Variants in PCDH15 observed in about 807,000 individuals in gnomAD.
PCDH15 encodes protocadherin related 15, also known as protocadherin-15.
Under a neutral mutation model 178.5 loss-of-function variants are expected in PCDH15, and 129 were observed. The ratio of observed to expected loss-of-function variants is 0.72; its 90% confidence interval spans 0.63 to 0.84. The LOEUF (loss-of-function observed/expected upper bound fraction) is 0.84. PCDH15 is among the 40% of genes least tolerant of loss of function. The pLI, the probability that PCDH15 is intolerant of heterozygous loss-of-function variation, is 0.00. For synonymous variants in PCDH15, 800 were observed against 732.0 expected (o/e 1.09, Z -1.50); for missense variants, 2,230 against 2,099.9 (o/e 1.06, Z -1.21).
chr10:54,836,579 G>T (rs1953320772), intron 3 of PCDH15, among the ~76,000 whole-genome samples: 1 of 152,030 alleles, frequency 6.6e-6, no homozygotes, highest in Admixed American at 6.6e-5. Flanking sequence ...GTGTGCATTT[G>T]TGTGTATTTT....
intron 1 of PCDH15, among the ~76,000 whole-genome samples, chr10:55,228,246 T>C (rs1347299878): frequency 6.6e-6 from 1 of 152,108 alleles, no homozygotes; most frequent in Non-Finnish European, 1.5e-5. Flanking sequence ...ATTATGTATA[T>C]CTGCCTGTTT....
intron 14 of PCDH15, among the ~76,000 whole-genome samples, chr10:54,136,759 C>G (rs2042942483): frequency 1.3e-5 from 2 of 152,168 alleles, no homozygotes; most frequent in South Asian, 2.1e-4. Flanking sequence ...AGACAAAACA[C>G]AGAGACAAAT....
intron 8 of PCDH15, among the ~76,000 whole-genome samples, chr10:54,266,675 C>A (rs1337200705): frequency 6.6e-6 from 1 of 151,864 alleles, no homozygotes; most frequent in Non-Finnish European, 1.5e-5. Context: ...ATGAACATTT[C>A]TATGTGCACA....
intron 2 of PCDH15, among the ~76,000 whole-genome samples, chr10:55,037,819 C>T (rs2131973520): frequency 6.6e-6 from 1 of 152,242 alleles, no homozygotes; most frequent in African/African-American, 2.4e-5. Flanking sequence ...AGGTAATTAT[C>T]TGTCATCTTA....
intron 20 of PCDH15, among the ~76,000 whole-genome samples, chr10:54,008,941 A>G (rs781463150): frequency 6.6e-6 from 1 of 152,136 alleles, no homozygotes; most frequent in Non-Finnish European, 1.5e-5. Context: ...CATAACCACC[A>G]ATATTATATT....
intron 2 of PCDH15, among the ~76,000 whole-genome samples, chr10:55,550,360 T>C (rs1841980456): frequency 6.6e-6 from 1 of 152,156 alleles, no homozygotes; most frequent in South Asian, 2.1e-4. Context: ...ATAAAATCAA[T>C]CATCATTATG....
At position 54,664,173 on chromosome 10, in the gene PCDH15, A is replaced by C; in HGVS notation, c.90T>G (p.Asp30Glu). 6.2e-6 allele frequency: 10 copies of C among 1,611,194 alleles called. No individual in the cohort carries two copies. Among genetic ancestry groups the C allele is most frequent in the African/African-American group, 1.3e-5 (1 of 74,942 alleles). ...LFEICLGQYD[D>E]DCKLARGGPP... ...AGGTCAAGCTAAAAGCAACCTTACC[A>C]TCATCATACTGGCCCAAGCAGATTT... is the stretch of plus-strand genomic sequence containing the variant. The change falls in exon 2 of 38, where the codon GAT (aspartate) becomes GAG (glutamate). Residue 30 changes from aspartate (D) to glutamate (E), a missense_variant and splice_region_variant. Transcript: ENST00000644397.
At chr10:54,367,410 G>C (rs941122786) in intron 5 of PCDH15, among the ~76,000 whole-genome samples, 3 of 152,062 alleles carry the variant, frequency 2.0e-5, no homozygotes, top group Admixed American at 6.6e-5. Flanking sequence ...GAGGGAAGTG[G>C]AAACAGTCAA....
At chr10:54,553,597 T>C (rs934407224) in intron 2 of PCDH15, among the ~76,000 whole-genome samples, 6 of 152,150 alleles carry the variant, frequency 3.9e-5, no homozygotes, top group African/African-American at 1.4e-4. Flanking sequence ...ATAAGTTGAT[T>C]CCTAGAGCCA....
At chr10:53,890,368 G>C (rs934609859) in intron 26 of PCDH15, among the ~76,000 whole-genome samples, 2 of 152,196 alleles carry the variant, frequency 1.3e-5, no homozygotes, top group African/African-American at 4.8e-5. Flanking sequence ...GGAGGTTGCA[G>C]TGAGCTGAGA....
intron 2 of PCDH15, chr10:54,600,074 C>T (rs905630889): frequency 7.1e-6 from 8 of 1,132,138 alleles, no homozygotes; most frequent in East Asian, 5.2e-5. Flanking sequence ...ATCGAGGAAG[C>T]TCCCAAGGAA....
intron 8 of PCDH15, among the ~76,000 whole-genome samples, chr10:54,295,420 C>T (rs1442598292): frequency 6.6e-6 from 1 of 152,174 alleles, no homozygotes; most frequent in Non-Finnish European, 1.5e-5. Context: ...TGCTCGGATC[C>T]CCTTCCATGC....
intron 1 of PCDH15, among the ~76,000 whole-genome samples, chr10:54,713,774 T>C (rs2095449481): frequency 6.6e-6 from 1 of 152,136 alleles, no homozygotes; most frequent in South Asian, 2.1e-4. Context: ...AAAATTGCGT[T>C]TTCTAAATTT....
intron 2 of PCDH15, among the ~76,000 whole-genome samples, chr10:55,504,049 T>C (rs762293632): frequency 2.0e-5 from 3 of 151,334 alleles, no homozygotes; most frequent in Non-Finnish European, 4.4e-5. Context: ...GGACAGAGTA[T>C]TTTTAGGGCA....
At chr10:55,329,565 TTA>T (rs1259759767) in intron 2 of PCDH15, among the ~76,000 whole-genome samples, 1 of 151,564 alleles carries the variant, frequency 6.6e-6, no homozygotes, top group Non-Finnish European at 1.5e-5. Context: ...ACTAAGAAAA[TTA>T]TAGTTTGTTA....
Position 54,220,728 on chromosome 10 carries a change from C to G in PCDH15, c.986-6680G>C, listed in dbSNP as rs997627662. Among the ~76,000 whole-genome samples the G allele has an allele frequency of 4.0e-5, 6 of 151,528 alleles. No individual in the cohort carries two copies. In the East Asian group the frequency reaches 5.9e-4, roughly 15 times the overall value. ...TAGTCCTAGCTACTCCGGAGGCTGA[C>G]GCAGGAGAATGGAGTGAACCCAGGA... On this transcript the variant is annotated intron_variant, in intron 9 of 37. Transcript: ENST00000644397.
chr10:53,846,234 G>A (rs888577970), intron 28 of PCDH15, among the ~76,000 whole-genome samples: 1 of 151,702 alleles, frequency 6.6e-6, no homozygotes, highest in African/African-American at 2.4e-5. Context: ...TGAAAAATAT[G>A]TTAATAAATT....
chr10:54,751,670 T>C (rs1395140750), intron 1 of PCDH15, among the ~76,000 whole-genome samples: 1 of 152,192 alleles, frequency 6.6e-6, no homozygotes, highest in East Asian at 1.9e-4. Context: ...TTTGAATCCA[T>C]TTCTAGAGCT....
intron 2 of PCDH15, among the ~76,000 whole-genome samples, chr10:55,398,127 T>TATGC (rs1251244944): frequency 6.6e-6 from 1 of 151,782 alleles, no homozygotes; most frequent in Non-Finnish European, 1.5e-5. Context: ...ACAAGTTATC[T>TATGC]CCTTTTCATT....
Sources: gnomAD v4.1 joint callset for allele counts (sites outside exome capture counted in the v4.1 genomes callset) on GRCh38, gnomAD v4.1.1 for gene constraint, MANE v1.5 for transcripts, NCBI Gene and HGNC (gene_info 2026-07-23, HGNC 2026-07-21) for gene names.